Variants in WIPI2 observed in about 807,000 individuals in gnomAD.
The protein encoded by WIPI2 is WD repeat domain phosphoinositide-interacting protein 2.
In WIPI2, 28 loss-of-function variants were observed where a neutral mutation model predicts 52.3. That is an observed-to-expected ratio of 0.54 (90% CI 0.40 to 0.73). The LOEUF (loss-of-function observed/expected upper bound fraction) is 0.73. Ranked by LOEUF, WIPI2 falls within the 30% of genes least tolerant of loss-of-function variation. The pLI, the probability that WIPI2 is intolerant of heterozygous loss-of-function variation, is 0.00. For missense variants in WIPI2, 506 were observed against 602.9 expected (o/e 0.84, Z 1.68); for synonymous variants, 268 against 245.0 (o/e 1.09, Z -0.88).
chr7:5,229,846 G>A, intron 12 of WIPI2, 108 bp downstream of exon 12: 1 of 1,490,646 alleles, frequency 6.7e-7, no homozygotes, highest in South Asian at 1.3e-5. Context: ...TGGGAAAGAT[G>A]GGGACTGGTT....
At chr7:5,224,714 T>C (rs73048049) in intron 8 of WIPI2, among the ~76,000 whole-genome samples, 4,729 of 152,254 alleles carry the variant, frequency 0.031, 103 homozygotes, top group Middle Eastern at 0.095. Context: ...CATTGATCTG[T>C]GTGGGGCCGC....
chr7:5,229,737 T>G lies in WIPI2; in HGVS notation c.1251T>G (p.Leu417=). The part of the protein sequence containing the change: ...GTYVPSSPTR[L]AYTDDLGAVG... Reference sequence around the variant, plus strand: ...ACGTGCCTTCATCCCCAACGAGACTTGGTAAGGGGCGTGACGCAAACCTGG... The same window carrying G: ...ACGTGCCTTCATCCCCAACGAGACTGGGTAAGGGGCGTGACGCAAACCTGG... The change falls in exon 12 of 13, where the codon CTT becomes CTG. Residue 417 remains leucine (L), a splice_region_variant and synonymous_variant. Transcript: ENST00000288828. 1 of 1,613,502 alleles carries G rather than the reference T, an allele frequency of 6.2e-7. No individual in the cohort carries two copies. The highest frequency in any genetic ancestry group is 8.5e-7 in the Non-Finnish European group (1 of 1,179,696).
In WIPI2 at chr7:5,230,962, C is replaced by T. The variant is rs1783700551; in HGVS notation, c.*15C>T. Reference sequence around the variant, plus strand: ...GGACTGACTGAACTTGACCTGTGACCTCTGACCCGGGGAGCAGAGAACACT... The same window carrying T: ...GGACTGACTGAACTTGACCTGTGACTTCTGACCCGGGGAGCAGAGAACACT... On this transcript the variant is annotated 3_prime_UTR_variant, in exon 13 of 13. Coordinates refer to ENST00000288828, the MANE Select transcript of WIPI2 (RefSeq NM_015610.4). The surrounding 1 kb of genome is among the most constrained non-coding windows in gnomAD (Gnocchi z 4.8). 1.2e-6 allele frequency: 2 copies of T among 1,604,646 alleles called. No individual in the cohort carries two copies. The highest frequency in any genetic ancestry group is 1.7e-6 in the Non-Finnish European group (2 of 1,174,766).
chr7:5,229,820 C>G, intron 12 of WIPI2, 82 bp downstream of exon 12: 1 of 1,559,302 alleles, frequency 6.4e-7, no homozygotes, highest in South Asian at 1.2e-5. Flanking sequence ...CCGGAGCCAC[C>G]CCACCAGCTC....
intron 3 of WIPI2, among the ~76,000 whole-genome samples, chr7:5,205,834 A>G (rs559694424): frequency 2.7e-5 from 4 of 149,630 alleles, no homozygotes; most frequent in East Asian, 3.9e-4. Flanking sequence ...CATCAACTCA[A>G]ACTGAGTTCT....
intron 7 of WIPI2, among the ~76,000 whole-genome samples, chr7:5,221,430 TA>T (rs1310426546): frequency 6.6e-6 from 1 of 152,218 alleles, no homozygotes; most frequent in African/African-American, 2.4e-5. Flanking sequence ...AAAATTTGTA[TA>T]GTAGGAGGGT....
intron 2 of WIPI2, 30 bp from the exon 3 acceptor site, chr7:5,199,546 C>T (rs1781923292): frequency 1.3e-6 from 2 of 1,589,416 alleles, no homozygotes; most frequent in African/African-American, 1.4e-5. Flanking sequence ...CACGTATCAG[C>T]TCTTATTTCT....
intron 3 of WIPI2, among the ~76,000 whole-genome samples, chr7:5,201,108 TG>T (rs1462392778): frequency 2.0e-5 from 3 of 152,240 alleles, no homozygotes; most frequent in African/African-American, 7.2e-5. Context: ...TCCTGTCACC[TG>T]GCTGCCTTCA....
At chr7:5,213,983 C>T (rs1782688422) in intron 3 of WIPI2, among the ~76,000 whole-genome samples, 1 of 152,172 alleles carries the variant, frequency 6.6e-6, no homozygotes, top group African/African-American at 2.4e-5. Flanking sequence ...CCGCGCCCGG[C>T]CCCTTCAGGG....
intron 7 of WIPI2, among the ~76,000 whole-genome samples, chr7:5,219,551 T>G (rs969140304): frequency 7.9e-5 from 12 of 152,318 alleles, no homozygotes; most frequent in African/African-American, 2.9e-4. Flanking sequence ...CCAGCCCCGC[T>G]CTGTCCCAGG....
chr7:5,211,362 C>G (rs909488247), intron 3 of WIPI2, among the ~76,000 whole-genome samples: 2 of 152,166 alleles, frequency 1.3e-5, no homozygotes, highest in African/African-American at 4.8e-5. Flanking sequence ...GTCCCAGCTA[C>G]TCAGGAGGCT....
chr7:5,205,007 G>T (rs953604064), intron 3 of WIPI2, among the ~76,000 whole-genome samples: 4 of 151,740 alleles, frequency 2.6e-5, no homozygotes, highest in African/African-American at 7.3e-5. Flanking sequence ...ACGGAGTCTC[G>T]CTGTATCATC....
rs1481638095 is a variant in WIPI2 at position 5,190,255 on chromosome 7, A to C, written c.-165A>C. 5.8e-6 allele frequency: 2 copies of C among 346,832 alleles called. No homozygotes were observed. Among genetic ancestry groups the C allele is most frequent in the Non-Finnish European group, 9.7e-6 (2 of 207,176 alleles). 21.5% of individuals were successfully genotyped at this position (346,832 alleles called of 1,614,324 possible). A position where few individuals can be genotyped will look rare whatever the true frequency, so the allele number is the denominator to read the frequency against. The stretch of plus-strand genomic sequence containing the variant: ...GGCGTACCGGGTGCCCCGGCTCTGG[A>C]GCATAAACAAGAGCGGGGACGGGAT... On this transcript the variant is annotated 5_prime_UTR_variant, in exon 1 of 13. Transcript: ENST00000288828.
At chr7:5,191,807 A>G (rs1781496204) in intron 1 of WIPI2, among the ~76,000 whole-genome samples, 2 of 152,220 alleles carry the variant, frequency 1.3e-5, no homozygotes, top group Admixed American at 6.5e-5. Flanking sequence ...AGAATGGACA[A>G]CACTCAGTGG....
intron 2 of WIPI2, among the ~76,000 whole-genome samples, chr7:5,195,054 T>G (rs944022566): frequency 6.6e-6 from 1 of 152,084 alleles, no homozygotes; most frequent in African/African-American, 2.4e-5. Context: ...AGGCCTACTC[T>G]CTGGGGAGGG....
At position 5,227,730 on chromosome 7, in the gene WIPI2, G is replaced by T. The variant is rs963674696; in HGVS notation, c.1014-374G>T. ...AGGGCCTGTGGAGGTTCTGTGCTGC[G>T]TGCGGGAAAGATTGTCATTACACCC... On this transcript the variant is annotated intron_variant, in intron 10 of 12. Coordinates refer to ENST00000288828, the MANE Select transcript of WIPI2 (RefSeq NM_015610.4). This position sits in a 1 kb window ranked among gnomAD's most constrained non-coding sequence, Gnocchi z 8.1. Among the ~76,000 whole-genome samples the T allele has an allele frequency of 6.6e-6, 1 of 152,166 alleles. No individual in the cohort carries two copies. The highest frequency in any genetic ancestry group is 1.5e-5 in the Non-Finnish European group (1 of 68,032).
At chr7:5,207,183 C>G (rs571325723) in intron 3 of WIPI2, among the ~76,000 whole-genome samples, 35 of 152,254 alleles carry the variant, frequency 2.3e-4, no homozygotes, top group African/African-American at 7.5e-4. Flanking sequence ...ATAAAATTTA[C>G]TTACAGTGGA....
chr7:5,230,955 C>G lies in WIPI2; in HGVS notation c.*8C>G. The G allele has an allele frequency of 6.2e-7, 1 of 1,606,960 alleles. No individual in the cohort carries two copies. The highest frequency in any genetic ancestry group is 8.5e-7 in the Non-Finnish European group (1 of 1,176,078). On this transcript the variant is annotated 3_prime_UTR_variant, in exon 13 of 13. Coordinates refer to ENST00000288828, the MANE Select transcript of WIPI2 (RefSeq NM_015610.4). The surrounding 1 kb of genome is among the most constrained non-coding windows in gnomAD (Gnocchi z 4.8). ...ATTCTTCGGACTGACTGAACTTGACCTGTGACCTCTGACCCGGGGAGCAGA... is the reference window on the plus strand; with the variant it reads ...ATTCTTCGGACTGACTGAACTTGACGTGTGACCTCTGACCCGGGGAGCAGA...
At chr7:5,224,840 GTCAGCAAAGCTAGATCTCGT>G (rs1315684599) in intron 8 of WIPI2, among the ~76,000 whole-genome samples, 2 of 152,200 alleles carry the variant, frequency 1.3e-5, no homozygotes, top group Non-Finnish European at 2.9e-5. Context: ...GCAAGATGGA[GTCAGCAAAGCTAGATCTCGT>G]TCACCGTCTC....
Sources: allele counts gnomAD v4.1 joint callset (sites outside exome capture counted in the v4.1 genomes callset), GRCh38; gene constraint gnomAD v4.1.1; non-coding constraint Gnocchi (gnomAD v3.1); transcripts MANE v1.5; gene names NCBI Gene and HGNC (gene_info 2026-07-23, HGNC 2026-07-21).